DENND10: variants seen among roughly 807,000 people sequenced by gnomAD.
DENND10 encodes the protein DENN domain containing 10.
A neutral mutation model predicts 43.6 loss-of-function variants in DENND10; 24 were observed. The observed-to-expected ratio is 0.55, with a 90% CI of 0.40 to 0.77. DENND10 has a LOEUF of 0.77. Ranked by LOEUF, DENND10 falls within the 30% of genes least tolerant of loss-of-function variation. DENND10 has a pLI of 0.00. For synonymous variants in DENND10, 125 were observed against 157.6 expected (o/e 0.79, Z 1.55); for missense variants, 303 against 429.9 (o/e 0.70, Z 2.61).
At chr10:119,109,119 G>T (rs1047962064) in intron 2 of DENND10, among the ~76,000 whole-genome samples, 1 of 151,348 alleles carries the variant, frequency 6.6e-6, no homozygotes, top group Admixed American at 6.6e-5. Flanking sequence ...GGGAGGCTGC[G>T]GCAGGAGAAT....
At position 119,120,428 on chromosome 10, in the gene DENND10, T is replaced by C. The variant is rs1845514892; in HGVS notation, c.569T>C (p.Ile190Thr). ...AGAATTGTGGTGTATCACCCCAAGA[T>C]AGAAGCGGTCCAGGAGTTCACCAGG... ...KKRIVVYHPK[I>T]EAVQEFTRTL... The change falls in exon 5 of 9, where the codon ATA becomes ACA. Residue 190 changes from isoleucine to threonine, a missense_variant. Transcript: ENST00000361432. 5 of 1,610,280 alleles carry C rather than the reference T, an allele frequency of 3.1e-6. No homozygotes were observed. The highest frequency in any genetic ancestry group is 3.4e-6 in the Non-Finnish European group (4 of 1,176,618).
chr10:119,135,813 A>AAAAAAAAAAAAAAAAAC, intron 8 of DENND10, among the ~76,000 whole-genome samples: 1 of 150,500 alleles, frequency 6.6e-6, no homozygotes, highest in Non-Finnish European at 1.5e-5. Context: ...AAAAAAAAAA[A>AAAAAAAAAAAAAAAAAC]AAACCAAAAC....
intron 8 of DENND10, 128 bp from the exon 9 acceptor site, chr10:119,136,343 G>A (rs1846358160): frequency 3.2e-5 from 35 of 1,093,322 alleles, no homozygotes; most frequent in Middle Eastern, 2.2e-4. Context: ...TTACAGGCAT[G>A]AGCCACCACG....
Sources: allele counts gnomAD v4.1 joint callset (sites outside exome capture counted in the v4.1 genomes callset), GRCh38; gene constraint gnomAD v4.1.1; transcripts MANE v1.5; gene names NCBI Gene and HGNC (gene_info 2026-07-23, HGNC 2026-07-21).